SERPINE3: variants seen among roughly 807,000 people sequenced by gnomAD.
SERPINE3 encodes the protein serpin family E member 3.
In SERPINE3, 43 loss-of-function variants were observed where a neutral mutation model predicts 41.7. That is an observed-to-expected ratio of 1.03 (90% CI 0.81 to 1.33). The LOEUF (loss-of-function observed/expected upper bound fraction) is 1.33, where lower values mean the gene tolerates loss of function less well. Ranked by LOEUF, SERPINE3 falls within the 40% of genes most tolerant of loss-of-function variation. SERPINE3 has a pLI of 0.00. For synonymous variants in SERPINE3, 200 were observed against 192.2 expected, an observed-to-expected ratio of 1.04 and a Z score of -0.34; for missense variants, 440 against 491.7, an observed-to-expected ratio of 0.89 and a Z score of 0.99.
At chr13:51,359,129 G>C (rs918274555) in intron 7 of SERPINE3, among the ~76,000 whole-genome samples, 2 of 152,042 alleles carry the variant, frequency 1.3e-5, no homozygotes, top group Non-Finnish European at 2.9e-5. Flanking sequence ...TGGGAAAATA[G>C]GGCGTATGTC....
chr13:51,339,861 T>C (rs1296888654), intron 1 of SERPINE3, 118 bp downstream of exon 1: 1 of 151,924 alleles, frequency 6.6e-6, no homozygotes, highest in African/African-American at 2.4e-5. Flanking sequence ...TTATAAGAGC[T>C]GTGAGAACCC....
chr13:51,347,364 G>A lies in SERPINE3; in HGVS notation c.700+130G>A, dbSNP rs377721346. The A allele has an allele frequency of 2.6e-5, 20 of 761,582 alleles. No individual in the cohort carries two copies. In the African/African-American group the frequency reaches 3.0e-4, roughly 11 times the overall value. The allele number at this position is 761,582 out of a possible 1,614,324, so 47.2% of individuals were successfully genotyped here. On this transcript the variant is annotated intron_variant, in intron 5 of 9. Transcript: ENST00000681248. Reference sequence around the variant, plus strand: ...CCGCAGGGTCCATCTGCTGGACTGGGCATGCATGGCGGAAGGAAAGACTAA... The same window carrying A: ...CCGCAGGGTCCATCTGCTGGACTGGACATGCATGGCGGAAGGAAAGACTAA...
intron 7 of SERPINE3, among the ~76,000 whole-genome samples, chr13:51,360,214 A>G (rs1405195067): frequency 1.3e-5 from 2 of 151,996 alleles, no homozygotes; most frequent in Non-Finnish European, 2.9e-5. Context: ...CTCACACAAT[A>G]TGTGTTCATC....
At position 51,344,348 on chromosome 13, in the gene SERPINE3, A is replaced by G; in HGVS notation, c.353A>G (p.Gln118Arg). Residue 118 changes from glutamine (Q) to arginine (R), a missense_variant, in exon 4 of 10, where the codon CAA (glutamine) becomes CGA (arginine). Physicochemically the swap from Gln to Arg is conservative, Grantham distance 43. Coordinates refer to ENST00000681248, the MANE Select transcript of SERPINE3 (RefSeq NM_001386375.1). ...GAGCTGGCCTGCAGCCTTTTTGTGC[A>G]AGTGGGAACGCCACTGTCCCCCTGC... ...EMELACSLFV[Q>R]VGTPLSPCFV... The G allele has an allele frequency of 6.2e-7, 1 of 1,613,798 alleles. No individual in the cohort carries two copies. Among genetic ancestry groups the G allele is most frequent in the East Asian group, 2.2e-5 (1 of 44,874 alleles).
chr13:51,354,988 T>G, intron 6 of SERPINE3, 55 bp from the exon 7 acceptor site: 2 of 874,762 alleles, frequency 2.3e-6, no homozygotes, highest in Non-Finnish European at 3.7e-6. Context: ...GTGGTGTGTA[T>G]GAAAGTATAT....
rs545186042 is a variant in SERPINE3 at position 51,361,226 on chromosome 13, G to A, written c.1001-52G>A. The A allele has an allele frequency of 5.0e-5, 59 of 1,168,824 alleles. No homozygotes were observed. The African/African-American group carries it at 8.0e-4, about 16-fold the overall frequency. The allele number at this position is 1,168,824 out of a possible 1,614,324, so 72.4% of individuals were successfully genotyped here. A position where few individuals can be genotyped will look rare whatever the true frequency, so the allele number is the denominator to read the frequency against. ...TTTTTAAAGAATGTGTTCTAAATGT[G>A]TTAGAAAAATGTTAATGAGCAACTC... On this transcript the variant is annotated intron_variant, in intron 7 of 9. Transcript: ENST00000681248.
chr13:51,340,529 A>G (rs543647865), intron 1 of SERPINE3, among the ~76,000 whole-genome samples: 2 of 152,340 alleles, frequency 1.3e-5, no homozygotes, highest in African/African-American at 4.8e-5. Flanking sequence ...TTCTTTCCCC[A>G]TACAAATGAG....
rs1955338162 is a variant in SERPINE3 at position 51,345,574 on chromosome 13, A to C, written c.490+1089A>C. On this transcript the variant is annotated intron_variant, in intron 4 of 9. Transcript: ENST00000681248. The stretch of plus-strand genomic sequence containing the variant: ...TGCGTCACTGCACTCCAGCTTGGGC[A>C]ACAGTGAGATTTCATCTCAAAAAAA... Among the ~76,000 whole-genome samples, 6 of 147,862 alleles carry C rather than the reference A, an allele frequency of 4.1e-5. No individual in the cohort carries two copies. In the South Asian group the frequency reaches 1.4e-3, roughly 33 times the overall value.
In SERPINE3 at chr13:51,344,363, T is replaced by TTA; in HGVS notation, c.368_369insTA (p.Cys126ProfsTer65). The TTA allele has an allele frequency of 6.2e-7, 1 of 1,613,594 alleles. No homozygotes were observed. The highest frequency in any genetic ancestry group is 8.5e-7 in the Non-Finnish European group (1 of 1,179,788). On this transcript the variant is annotated frameshift_variant, in exon 4 of 10. Transcript: ENST00000681248. LOFTEE classifies it high-confidence loss of function. Reference sequence around the variant, plus strand: ...CTTTTTGTGCAAGTGGGAACGCCACTGTCCCCCTGCTTTGTGGAGCACGTC... The same window carrying TTA: ...CTTTTTGTGCAAGTGGGAACGCCACTTAGTCCCCCTGCTTTGTGGAGCACGTC...
In SERPINE3 at chr13:51,347,013, T is replaced by C; in HGVS notation, c.491-12T>C. 6.4e-7 allele frequency: 1 copy of C among 1,563,218 alleles called. No homozygotes were observed. Among genetic ancestry groups the C allele is most frequent in the Non-Finnish European group, 8.7e-7 (1 of 1,152,314 alleles). ...CATTTAACCCATGGCCACCTTGCTT[T>C]CCTGCTTGCAGGTGGGGGCCCCAGT... On this transcript the variant is annotated splice_polypyrimidine_tract_variant and intron_variant, in intron 4 of 9. Coordinates refer to ENST00000681248, the MANE Select transcript of SERPINE3 (RefSeq NM_001386375.1).
At chr13:51,359,119 T>A (rs1252283875) in intron 7 of SERPINE3, among the ~76,000 whole-genome samples, 1 of 152,066 alleles carries the variant, frequency 6.6e-6, no homozygotes, top group South Asian at 2.1e-4. Flanking sequence ...GAACAACTTT[T>A]GGGAAAATAG....
Position 51,362,132 on chromosome 13 carries a change from T to C in SERPINE3, c.1171+239T>C, listed in dbSNP as rs1955590527. ...ATTCTCTCAGCTCATATATAGTTAA[T>C]GTAGATTTTTTTTTTTAATGCTATA... is the stretch of plus-strand genomic sequence containing the variant. On this transcript the variant is annotated intron_variant, in intron 9 of 9. Coordinates refer to ENST00000681248, the MANE Select transcript of SERPINE3 (RefSeq NM_001386375.1). 2.3e-6 allele frequency: 3 copies of C among 1,320,834 alleles called. No individual in the cohort carries two copies. The Admixed American group carries it at 1.1e-4, about 48-fold the overall frequency. The allele number at this position is 1,320,834 out of a possible 1,614,324, so 81.8% of individuals were successfully genotyped here.
intron 7 of SERPINE3, among the ~76,000 whole-genome samples, chr13:51,355,696 T>C (rs770373012): frequency 7.2e-5 from 11 of 152,200 alleles, no homozygotes; most frequent in Non-Finnish European, 1.3e-4. Flanking sequence ...CAAAGTTGAA[T>C]TGCTACTACC....
In SERPINE3 at chr13:51,347,007, T is replaced by A; in HGVS notation, c.491-18T>A. The stretch of plus-strand genomic sequence containing the variant: ...AATGCACATTTAACCCATGGCCACC[T>A]TGCTTTCCTGCTTGCAGGTGGGGGC... On this transcript the variant is annotated intron_variant, in intron 4 of 9. Coordinates refer to ENST00000681248, the MANE Select transcript of SERPINE3 (RefSeq NM_001386375.1). 1 of 1,556,294 alleles carries A rather than the reference T, an allele frequency of 6.4e-7. No homozygotes were observed.
intron 3 of SERPINE3, 68 bp downstream of exon 3, chr13:51,341,415 C>T: frequency 7.1e-7 from 1 of 1,416,116 alleles, no homozygotes; most frequent in Non-Finnish European, 9.6e-7. Context: ...TCCAGCTCAC[C>T]CTCCTGCTCA....
At chr13:51,355,236 T>G in intron 7 of SERPINE3, 93 bp downstream of exon 7, 11 of 650,314 alleles carry the variant, frequency 1.7e-5, no homozygotes, top group South Asian at 3.9e-5. Context: ...AGAGTCAACA[T>G]TATGTAAAAG....
At chr13:51,358,414 C>T (rs192592838) in intron 7 of SERPINE3, among the ~76,000 whole-genome samples, 11 of 152,178 alleles carry the variant, frequency 7.2e-5, no homozygotes, top group African/African-American at 2.6e-4. Context: ...TTGAGTATGA[C>T]CAGCCATACA....
In SERPINE3 at chr13:51,344,438, A is replaced by T. The variant is rs1279717431; in HGVS notation, c.443A>T (p.Asn148Ile). 6.2e-7 allele frequency: 1 copy of T among 1,606,412 alleles called. No individual in the cohort carries two copies. The highest frequency in any genetic ancestry group is 1.1e-5 in the South Asian group (1 of 89,678). The change falls in exon 4 of 10, where the codon AAT becomes ATT. Residue 148 changes from asparagine to isoleucine, a missense_variant. Coordinates refer to ENST00000681248, the MANE Select transcript of SERPINE3 (RefSeq NM_001386375.1). Reference sequence around the variant, plus strand: ...GAACCAGCCGACCTCAGTGAGCCCAATAGCACCGCCATCCAGACTAGCGAA... The same window carrying T: ...GAACCAGCCGACCTCAGTGAGCCCATTAGCACCGCCATCCAGACTAGCGAA... ...SLEPADLSEPNSTAIQTSEGA... is the reference protein window; with the variant it reads ...SLEPADLSEPISTAIQTSEGA...
intron 3 of SERPINE3, among the ~76,000 whole-genome samples, chr13:51,342,031 A>G (rs9535647): frequency 0.65 from 98,867 of 152,012 alleles, 33,949 homozygotes; most frequent in African/African-American, 0.88. Flanking sequence ...TTCGAATGCC[A>G]GGTCAGCTTC....
Sources: allele counts gnomAD v4.1 joint callset (sites outside exome capture counted in the v4.1 genomes callset), GRCh38; gene constraint gnomAD v4.1.1; transcripts MANE v1.5; gene names NCBI Gene and HGNC (gene_info 2026-07-23, HGNC 2026-07-21).